The following ACOXL variants were observed in gnomAD, a reference collection of about 807,000 sequenced individuals.
ACOXL encodes acyl-coenzyme A oxidase-like protein.
In ACOXL, 70 loss-of-function variants were observed where a neutral mutation model predicts 71.9. The ratio of observed to expected loss-of-function variants is 0.97; its 90% confidence interval spans 0.80 to 1.19. ACOXL has a LOEUF of 1.19. ACOXL is among the 50% of genes most tolerant of loss of function. The pLI, the probability that ACOXL is intolerant of heterozygous loss-of-function variation, is 0.00. For synonymous variants in ACOXL, 253 were observed against 281.6 expected (o/e 0.90, Z 1.02); for missense variants, 703 against 736.3 (o/e 0.95, Z 0.52).
intron 10 of ACOXL, among the ~76,000 whole-genome samples, chr2:110,903,604 G>T (rs909167514): frequency 6.6e-6 from 1 of 152,202 alleles, no homozygotes; most frequent in South Asian, 2.1e-4. Flanking sequence ...TATAGCCTTT[G>T]TATGTGTTTT....
intron 10 of ACOXL, among the ~76,000 whole-genome samples, chr2:110,882,354 A>G (rs1696764399): frequency 6.6e-6 from 1 of 152,164 alleles, no homozygotes; most frequent in African/African-American, 2.4e-5. Flanking sequence ...TTCTTTATAT[A>G]TTTTGAATAC....
intron 10 of ACOXL, among the ~76,000 whole-genome samples, chr2:110,848,987 A>G (rs888055861): frequency 5.9e-5 from 9 of 152,102 alleles, no homozygotes; most frequent in African/African-American, 1.7e-4. Context: ...TGCTTTTGCT[A>G]TTTCCCATGG....
Position 110,846,639 on chromosome 2 carries a change from A to ACG in ACOXL, c.788+5236_788+5237dup, listed in dbSNP as rs199684051. On this transcript the variant is annotated intron_variant, in intron 10 of 17. Coordinates refer to ENST00000439055, the MANE Select transcript of ACOXL (RefSeq NM_001142807.4). ...CATGTGAGCATGCAAGTATGCATACACGCACACACACACACACACACACAC... is the reference window on the plus strand; with the variant it reads ...CATGTGAGCATGCAAGTATGCATACACGCGCACACACACACACACACACACAC... 3.1e-3 allele frequency among the ~76,000 whole-genome samples: 435 copies of ACG among 140,022 alleles called. 2 individuals are homozygous for ACG. Among genetic ancestry groups the ACG allele is most frequent in the Non-Finnish European group, 5.1e-3 (322 of 63,598 alleles). The allele number at this position is 140,022 out of a possible 152,430, so 91.9% of individuals were successfully genotyped here.
At chr2:110,987,497 T>A (rs553341390) in intron 13 of ACOXL, among the ~76,000 whole-genome samples, 1 of 152,278 alleles carries the variant, frequency 6.6e-6, no homozygotes, top group East Asian at 1.9e-4. Flanking sequence ...TGAGGTAAGT[T>A]CTTATTTCCA....
Position 111,054,170 on chromosome 2 carries a change from C to T in ACOXL, c.1440+4882C>T, listed in dbSNP as rs566996274. ...TGTCTATAGGTGGATCTGATATCTA[C>T]CACATTTATGGCAGCACACAGTAGA... On this transcript the variant is annotated intron_variant, in intron 16 of 17. Coordinates refer to ENST00000439055, the MANE Select transcript of ACOXL (RefSeq NM_001142807.4). 3.9e-5 allele frequency among the ~76,000 whole-genome samples: 6 copies of T among 152,296 alleles called. No homozygotes were observed. The East Asian group carries it at 9.6e-4, about 24-fold the overall frequency.
intron 2 of ACOXL, among the ~76,000 whole-genome samples, chr2:110,779,569 C>T (rs1381462438): frequency 2.0e-5 from 3 of 152,168 alleles, no homozygotes; most frequent in Non-Finnish European, 2.9e-5. Context: ...ATGACTTCAG[C>T]CCTTATATTA....
rs141724167 is a variant in ACOXL, at chr2:111,078,789, C to T, written c.1441-14076C>T. 6.5e-3 allele frequency among the ~76,000 whole-genome samples: 985 copies of T among 152,224 alleles called. 10 individuals carry two copies. The highest frequency in any genetic ancestry group is 0.022 in the African/African-American group (908 of 41,518). On this transcript the variant is annotated intron_variant, in intron 16 of 17. Coordinates refer to ENST00000439055, the MANE Select transcript of ACOXL (RefSeq NM_001142807.4). Reference sequence around the variant, plus strand: ...AAAAATATTGGATTATTTCCTAGACCTTTTGAATATTATGTTATGAGATTC... The same window carrying T: ...AAAAATATTGGATTATTTCCTAGACTTTTTGAATATTATGTTATGAGATTC...
At chr2:110,783,704 C>T (rs1479989103) in intron 2 of ACOXL, among the ~76,000 whole-genome samples, 2 of 152,160 alleles carry the variant, frequency 1.3e-5, no homozygotes, top group Non-Finnish European at 2.9e-5. Flanking sequence ...CATGTGCACA[C>T]AGGCACATGC....
chr2:110,960,973 G>A (rs111266738), intron 12 of ACOXL, among the ~76,000 whole-genome samples: 1 of 152,202 alleles, frequency 6.6e-6, no homozygotes, highest in African/African-American at 2.4e-5. Context: ...AGCCTGACTA[G>A]TTTCTAAGTG....
At chr2:110,996,403 G>T (rs573795979) in intron 14 of ACOXL, among the ~76,000 whole-genome samples, 3 of 152,186 alleles carry the variant, frequency 2.0e-5, no homozygotes, top group Non-Finnish European at 2.9e-5. Flanking sequence ...GATGCATTCT[G>T]TCTCCTATTA....
chr2:110,982,386 T>TCC (rs2062747163), intron 12 of ACOXL, among the ~76,000 whole-genome samples: 1 of 151,996 alleles, frequency 6.6e-6, no homozygotes, highest in Non-Finnish European at 1.5e-5. Flanking sequence ...CTCTCGTCTC[T>TCC]CCCCTCTCTT....
chr2:110,900,433 A>G (rs4849203), intron 10 of ACOXL, among the ~76,000 whole-genome samples: 43,728 of 152,098 alleles, frequency 0.29, 6,876 homozygotes, highest in Non-Finnish European at 0.35. Context: ...CACCTGCTAC[A>G]TGTCAGGCAT....
At chr2:110,957,522 T>G (rs1335385323) in intron 12 of ACOXL, among the ~76,000 whole-genome samples, 2 of 152,124 alleles carry the variant, frequency 1.3e-5, no homozygotes, top group Non-Finnish European at 2.9e-5. Context: ...GGGACCCAGG[T>G]GTGGGCAGGG....
intron 12 of ACOXL, among the ~76,000 whole-genome samples, chr2:110,964,333 A>G (rs982844587): frequency 6.6e-6 from 1 of 152,234 alleles, no homozygotes; most frequent in African/African-American, 2.4e-5. Flanking sequence ...AAATTATTAT[A>G]CAGTATAAAT....
intron 17 of ACOXL, among the ~76,000 whole-genome samples, chr2:111,095,761 G>A (rs1437692798): frequency 6.6e-6 from 1 of 152,192 alleles, no homozygotes; most frequent in African/African-American, 2.4e-5. Flanking sequence ...AACAGCCTGG[G>A]AAATAAGCAG....
At chr2:111,071,604 GGTT>G (rs1325376465) in intron 16 of ACOXL, among the ~76,000 whole-genome samples, 1 of 152,180 alleles carries the variant, frequency 6.6e-6, no homozygotes, top group African/African-American at 2.4e-5. Context: ...GAGAGAACTG[GGTT>G]GTTGCTGGGG....
intron 12 of ACOXL, among the ~76,000 whole-genome samples, chr2:110,951,463 GA>G (rs1214140754): frequency 6.6e-6 from 1 of 152,190 alleles, no homozygotes; most frequent in African/African-American, 2.4e-5. Context: ...CAAGTGGCAA[GA>G]GTTTCCAATG....
At chr2:110,787,533 C>CA (rs1175271772) in intron 3 of ACOXL, among the ~76,000 whole-genome samples, 1,695 of 52,750 alleles carry the variant, frequency 0.032, 36 homozygotes, top group Admixed American at 0.069. Flanking sequence ...GACTCCGTCT[C>CA]AAAAAAAAAA....
At chr2:111,045,010 A>C (rs146468323) in intron 15 of ACOXL, among the ~76,000 whole-genome samples, 6 of 152,288 alleles carry the variant, frequency 3.9e-5, no homozygotes, top group African/African-American at 1.4e-4. Flanking sequence ...GAAAAGTCCA[A>C]CCAAGGAGAA....
Sources: allele counts gnomAD v4.1 joint callset (sites outside exome capture counted in the v4.1 genomes callset), GRCh38; gene constraint gnomAD v4.1.1; transcripts MANE v1.5; gene names NCBI Gene and HGNC (gene_info 2026-07-23, HGNC 2026-07-21).